TACR3: variants seen among roughly 807,000 people sequenced by gnomAD.
TACR3 encodes the protein neuromedin-K receptor.
In TACR3, 34 loss-of-function variants were observed where a neutral mutation model predicts 35.0. The observed-to-expected ratio is 0.97, with a 90% CI of 0.74 to 1.30. TACR3 has a LOEUF of 1.30. TACR3 is among the 50% of genes most tolerant of loss of function. TACR3 has a pLI of 0.00. For synonymous variants in TACR3, 233 were observed against 221.1 expected, an observed-to-expected ratio of 1.05 and a Z score of -0.48; for missense variants, 558 against 591.7, an observed-to-expected ratio of 0.94 and a Z score of 0.59.
intron 1 of TACR3, among the ~76,000 whole-genome samples, chr4:103,670,034 T>G (rs536821310): frequency 6.6e-6 from 1 of 152,120 alleles, no homozygotes; most frequent in Admixed American, 6.6e-5. Context: ...TTCTCCATAA[T>G]GGATATCCAG....
At chr4:103,712,465 A>C (rs949336906) in intron 1 of TACR3, among the ~76,000 whole-genome samples, 1 of 152,242 alleles carries the variant, frequency 6.6e-6, no homozygotes, top group Non-Finnish European at 1.5e-5. Flanking sequence ...CCTTATACAA[A>C]AATTAATTCA....
chr4:103,615,486 T>G (rs1010498389), intron 3 of TACR3, among the ~76,000 whole-genome samples: 1 of 151,118 alleles, frequency 6.6e-6, no homozygotes, highest in Non-Finnish European at 1.5e-5. Flanking sequence ...CATTGCAACT[T>G]AAAAAATAGC....
intron 1 of TACR3, among the ~76,000 whole-genome samples, chr4:103,708,774 T>C (rs1722861696): frequency 6.6e-6 from 1 of 152,118 alleles, no homozygotes; most frequent in Non-Finnish European, 1.5e-5. Context: ...ATTAGACAAA[T>C]GGCTAACTAG....
intron 1 of TACR3, among the ~76,000 whole-genome samples, chr4:103,689,341 G>T (rs1722345492): frequency 6.6e-6 from 1 of 151,494 alleles, no homozygotes. Context: ...CATGTCACAT[G>T]TATACATATG....
chr4:103,656,111 A>G, intron 3 of TACR3, 83 bp downstream of exon 3: 10 of 1,519,998 alleles, frequency 6.6e-6, no homozygotes, highest in Non-Finnish European at 9.1e-6. Context: ...ATCATATTGT[A>G]TTAACATGCC....
intron 1 of TACR3, among the ~76,000 whole-genome samples, chr4:103,688,994 C>T (rs1292815332): frequency 2.0e-5 from 3 of 152,060 alleles, no homozygotes; most frequent in African/African-American, 4.8e-5. Context: ...GACTTGGAAC[C>T]AACACAAATG....
At chr4:103,650,170 T>C (rs2073022821) in intron 3 of TACR3, among the ~76,000 whole-genome samples, 1 of 151,960 alleles carries the variant, frequency 6.6e-6, no homozygotes, top group Admixed American at 6.6e-5. Flanking sequence ...GTTCTCTTCC[T>C]TCACTTTCTT....
At chr4:103,700,267 G>A (rs1247024587) in intron 1 of TACR3, among the ~76,000 whole-genome samples, 1 of 152,098 alleles carries the variant, frequency 6.6e-6, no homozygotes, top group African/African-American at 2.4e-5. Flanking sequence ...GTGCACAACT[G>A]TTTCCTTCTA....
rs558507685 is a variant in TACR3, at chr4:103,677,492, T to C, written c.549-19089A>G. Among the ~76,000 whole-genome samples the C allele has an allele frequency of 7.2e-5, 11 of 152,164 alleles. No individual in the cohort carries two copies. In the South Asian group the frequency reaches 1.0e-3, roughly 14 times the overall value. ...TCAGCAATAGACTAGATAAAGAAAA[T>C]GTGGTACATATACCACGGAATACTA... On this transcript the variant is annotated intron_variant, in intron 1 of 4. Transcript: ENST00000304883.
intron 1 of TACR3, among the ~76,000 whole-genome samples, chr4:103,705,888 C>T (rs1443793280): frequency 6.6e-6 from 1 of 152,112 alleles, no homozygotes; most frequent in Non-Finnish European, 1.5e-5. Context: ...TATTATTCTT[C>T]TCATAAGTGC....
At chr4:103,682,505 A>G (rs986454852) in intron 1 of TACR3, among the ~76,000 whole-genome samples, 2 of 152,116 alleles carry the variant, frequency 1.3e-5, no homozygotes, top group Non-Finnish European at 2.9e-5. Context: ...ACTCACTATC[A>G]CGAGAACAGC....
chr4:103,690,928 TA>T (rs1722389043), intron 1 of TACR3, among the ~76,000 whole-genome samples: 1 of 152,078 alleles, frequency 6.6e-6, no homozygotes, highest in Admixed American at 6.6e-5. Flanking sequence ...ACGCAATAGG[TA>T]GATACAATTT....
chr4:103,685,390 CA>C (rs1339470429), intron 1 of TACR3, among the ~76,000 whole-genome samples: 2 of 151,986 alleles, frequency 1.3e-5, no homozygotes, highest in African/African-American at 2.4e-5. Flanking sequence ...AAAAGTAAAA[CA>C]TTAAAACAAC....
intron 1 of TACR3, among the ~76,000 whole-genome samples, chr4:103,716,214 C>CG (rs1560543662): frequency 2.4e-5 from 3 of 127,310 alleles, no homozygotes; most frequent in Non-Finnish European, 3.2e-5. Context: ...ATAATTTTAT[C>CG]TTGTGTGTGT....
At chr4:103,623,371 G>A (rs1724825945) in intron 3 of TACR3, among the ~76,000 whole-genome samples, 1 of 151,606 alleles carries the variant, frequency 6.6e-6, no homozygotes, top group Admixed American at 6.6e-5. Flanking sequence ...AGACACCCTG[G>A]GATTTTTCTC....
Position 103,637,262 on chromosome 4 carries a change from T to A in TACR3, c.888+18932A>T, listed in dbSNP as rs187928606. 5.0e-3 allele frequency among the ~76,000 whole-genome samples: 757 copies of A among 152,238 alleles called. 10 individuals are homozygous for A. The highest frequency in any genetic ancestry group is 0.017 in the African/African-American group (725 of 41,540). On this transcript the variant is annotated intron_variant, in intron 3 of 4. Coordinates refer to ENST00000304883, the MANE Select transcript of TACR3 (RefSeq NM_001059.3). ...ACCATGATCAAGTGGGCTTCATCCC[T>A]GGGATGCAAGACTGGTTCAACATAC...
intron 3 of TACR3, among the ~76,000 whole-genome samples, chr4:103,648,341 G>C (rs72945376): frequency 6.6e-6 from 1 of 151,798 alleles, no homozygotes; most frequent in African/African-American, 2.4e-5. Flanking sequence ...TATTGTTGAC[G>C]GTAGTCATTC....
At position 103,587,477 on chromosome 4, in the gene TACR3, C is replaced by A. The variant is rs192043527; in HGVS notation, c.*2205G>T. 2 of 152,220 alleles carry A rather than the reference C, an allele frequency of 1.3e-5. No individual in the cohort carries two copies. The highest frequency in any genetic ancestry group is 2.4e-5 in the African/African-American group (1 of 41,580). The allele number at this position is 152,220 out of a possible 1,614,324, so 9.4% of individuals were successfully genotyped here. A position where few individuals can be genotyped will look rare whatever the true frequency, so the allele number is the denominator to read the frequency against. ...AAGCCAAAGCAAACCAACAATCCAA[C>A]TGACGAGGCCAGTATTTTTCCTTAG... is the stretch of plus-strand genomic sequence containing the variant. On this transcript the variant is annotated 3_prime_UTR_variant, in exon 5 of 5. Transcript: ENST00000304883.
At position 103,643,048 on chromosome 4, in the gene TACR3, A is replaced by G. The variant is rs1725389525; in HGVS notation, c.888+13146T>C. Reference sequence around the variant, plus strand: ...ATTCATGTCTTACTACATTATCACAATAAATGGGAGTAAACACAGGTTTTG... The same window carrying G: ...ATTCATGTCTTACTACATTATCACAGTAAATGGGAGTAAACACAGGTTTTG... On this transcript the variant is annotated intron_variant, in intron 3 of 4. Coordinates refer to ENST00000304883, the MANE Select transcript of TACR3 (RefSeq NM_001059.3). 4.6e-5 allele frequency among the ~76,000 whole-genome samples: 7 copies of G among 152,036 alleles called. No homozygotes were observed. In the South Asian group the frequency reaches 1.4e-3, roughly 31 times the overall value.
Sources: gnomAD v4.1 joint callset for allele counts (sites outside exome capture counted in the v4.1 genomes callset) on GRCh38, gnomAD v4.1.1 for gene constraint, MANE v1.5 for transcripts, NCBI Gene and HGNC (gene_info 2026-07-23, HGNC 2026-07-21) for gene names.